Variants in IFT25 observed in about 807,000 individuals in gnomAD.
IFT25 encodes the protein intraflagellar transport protein 25 homolog.
chr1:53,926,177 A>G, the IFT25 span, among the ~76,000 whole-genome samples: 6 of 151,778 alleles, frequency 4.0e-5, no homozygotes, highest in African/African-American at 1.2e-4. Context: ...ACAGGGTCTC[A>G]CTCTGTCGCC....
At chr1:53,921,910 T>C in the IFT25 span, 14 of 600,078 alleles carry the variant, frequency 2.3e-5, no homozygotes, top group Non-Finnish European at 3.9e-5. Context: ...ATAATAGTTG[T>C]GGTACATATC....
chr1:53,929,949 G>GA, the IFT25 span: 4 of 1,435,868 alleles, frequency 2.8e-6, no homozygotes, highest in East Asian at 2.8e-5. Context: ...TCTGCCTGTG[G>GA]AAAAAATGAA....
chr1:53,925,613 C>T, the IFT25 span, among the ~76,000 whole-genome samples: 10 of 149,250 alleles, frequency 6.7e-5, no homozygotes, highest in Admixed American at 1.3e-4. Context: ...TGCAGTGAGC[C>T]GAGATCACGC....
the IFT25 span, among the ~76,000 whole-genome samples, chr1:53,933,703 C>T: frequency 6.6e-6 from 1 of 152,128 alleles, no homozygotes; most frequent in Non-Finnish European, 1.5e-5. Context: ...GAGTGTTTAG[C>T]CTCACTGATA....
chr1:53,919,807 T>TTTTTA, the IFT25 span, among the ~76,000 whole-genome samples: 4 of 151,838 alleles, frequency 2.6e-5, no homozygotes, highest in African/African-American at 7.3e-5. Flanking sequence ...TTTTTTTTTT[T>TTTTTA]GAGACAGGGT....
the IFT25 span, among the ~76,000 whole-genome samples, chr1:53,914,715 T>C: frequency 2.0e-5 from 3 of 152,306 alleles, no homozygotes; most frequent in East Asian, 1.9e-4. Flanking sequence ...TGCCACACAC[T>C]ATCTCCCAGA....
chr1:53,944,555 G>A, the IFT25 span, among the ~76,000 whole-genome samples: 4 of 152,218 alleles, frequency 2.6e-5, no homozygotes, highest in African/African-American at 9.6e-5. Context: ...TGAGGCAGGA[G>A]AAGCTCCTGA....
the IFT25 span, among the ~76,000 whole-genome samples, chr1:53,931,807 T>G: frequency 3.0e-4 from 46 of 152,330 alleles, no homozygotes; most frequent in East Asian, 8.3e-3. Context: ...ACTTTAGGCT[T>G]TATTATTTTT....
At chr1:53,940,249 G>GT in the IFT25 span, 1 of 575,670 alleles carries the variant, frequency 1.7e-6, no homozygotes, top group Non-Finnish European at 3.1e-6. Flanking sequence ...GTTTGTTTAG[G>GT]TAAGAAACCT....
At chr1:53,944,424 C>T in the IFT25 span, among the ~76,000 whole-genome samples, 1 of 152,168 alleles carries the variant, frequency 6.6e-6, no homozygotes, top group African/African-American at 2.4e-5. Flanking sequence ...GCAGGCGGAT[C>T]ACTTGAGGCC....
chr1:53,920,210 A>G, the IFT25 span, among the ~76,000 whole-genome samples: 1 of 152,160 alleles, frequency 6.6e-6, no homozygotes. Flanking sequence ...TAGATGCCCA[A>G]TTCTTTCCTT....
At chr1:53,933,072 T>C in the IFT25 span, among the ~76,000 whole-genome samples, 2 of 152,200 alleles carry the variant, frequency 1.3e-5, no homozygotes, top group Admixed American at 6.5e-5. Flanking sequence ...TTTTGCTTTA[T>C]GTAGTTTAAA....
the IFT25 span, among the ~76,000 whole-genome samples, chr1:53,934,851 G>A: frequency 6.6e-6 from 1 of 152,072 alleles, no homozygotes; most frequent in African/African-American, 2.4e-5. Context: ...ATACAGAAAT[G>A]AGCCAGGTGT....
At chr1:53,925,960 G>T in the IFT25 span, among the ~76,000 whole-genome samples, 6 of 151,306 alleles carry the variant, frequency 4.0e-5, no homozygotes, top group Middle Eastern at 3.2e-3. Context: ...AAATTAGCCA[G>T]GCAACGTGGT....
the IFT25 span, among the ~76,000 whole-genome samples, chr1:53,926,364 A>G: frequency 6.6e-6 from 1 of 152,132 alleles, no homozygotes; most frequent in Non-Finnish European, 1.5e-5. Flanking sequence ...TGCCCAGGGT[A>G]GTTTCTTGAA....
the IFT25 span, among the ~76,000 whole-genome samples, chr1:53,940,647 T>G: frequency 1.3e-5 from 2 of 152,148 alleles, no homozygotes; most frequent in Non-Finnish European, 2.9e-5. Flanking sequence ...AGGTATAAAG[T>G]CTTAATGTCT....
chr1:53,931,583 TTG>T, the IFT25 span, among the ~76,000 whole-genome samples: 3 of 152,348 alleles, frequency 2.0e-5, no homozygotes, highest in South Asian at 6.2e-4. Flanking sequence ...CCAATTGATC[TTG>T]TGTTATTTTT....
chr1:53,936,224 G>A, the IFT25 span, among the ~76,000 whole-genome samples: 3,266 of 152,294 alleles, frequency 0.021, 52 homozygotes, highest in Non-Finnish European at 0.034. Context: ...GGAGGCAGAG[G>A]TTGCAGTAAG....
At chr1:53,914,900 C>T in the IFT25 span, among the ~76,000 whole-genome samples, 4 of 152,326 alleles carry the variant, frequency 2.6e-5, no homozygotes, top group Non-Finnish European at 4.4e-5. Context: ...ACACAATTTT[C>T]ATTTCTGTAA....
Sources: gnomAD v4.1 joint callset for allele counts (sites outside exome capture counted in the v4.1 genomes callset) on GRCh38, gnomAD v4.1.1 for gene constraint, MANE v1.5 for transcripts, NCBI Gene and HGNC (gene_info 2026-07-23, HGNC 2026-07-21) for gene names.